Variants in SYNPO2 observed in about 807,000 individuals in gnomAD.
SYNPO2 encodes synaptopodin-2.
Under a neutral mutation model 85.0 loss-of-function variants are expected in SYNPO2, and 56 were observed. That is an observed-to-expected ratio of 0.66 (90% CI 0.53 to 0.82). SYNPO2 has a LOEUF of 0.82. SYNPO2 is among the 40% of genes least tolerant of loss of function. The pLI is 0.00. For synonymous variants in SYNPO2, 602 were observed against 591.1 expected, an observed-to-expected ratio of 1.02 and a Z score of -0.27; for missense variants, 1,575 against 1,534.2, an observed-to-expected ratio of 1.03 and a Z score of -0.44.
At chr4:118,888,633 T>C (rs146109581), upstream of SYNPO2, among the ~76,000 whole-genome samples, 2 of 152,360 alleles carry the variant, frequency 1.3e-5, no homozygotes, top group African/African-American at 4.8e-5. Flanking sequence ...ATCATACTTA[T>C]ACCATTAACT....
rs370745197 is a variant in SYNPO2 at position 118,876,665 on chromosome 4, TTC to T, written c.12+25729_12+25730del. ...TTCCTTTCTTCCTTCCTTCCTTCCTTTCTCTTTCTTTCTTTCTTTCTTTCTTT... is the reference window on the plus strand; with the variant it reads ...TTCCTTTCTTCCTTCCTTCCTTCCTTTCTTTCTTTCTTTCTTTCTTTCTTT... On this transcript the variant is annotated intron_variant, in intron 1 of 4. Transcript: ENST00000610556. Among the ~76,000 whole-genome samples the T allele has an allele frequency of 2.3e-3, 311 of 135,340 alleles. 3 individuals carry two copies. Among genetic ancestry groups the T allele is most frequent in the Non-Finnish European group, 3.3e-3 (198 of 60,226 alleles). The allele number at this position is 135,340 out of a possible 152,430, so 88.8% of individuals were successfully genotyped here. A position where few individuals can be genotyped will look rare whatever the true frequency, so the allele number is the denominator to read the frequency against.
chr4:119,041,154 G>A lies in SYNPO2; in HGVS notation c.3252+9127G>A, dbSNP rs560050962. On this transcript the variant is annotated intron_variant, in intron 4 of 4. Coordinates refer to ENST00000307142, the MANE Select transcript of SYNPO2 (RefSeq NM_133477.3). ...AGCAGAAGTCAAGACTCATCTTGAA[G>A]ATAAAAAATCAAAACAAGCTGAGAT... Among the ~76,000 whole-genome samples the A allele has an allele frequency of 5.9e-5, 9 of 152,298 alleles. No individual in the cohort carries two copies. In the East Asian group the frequency reaches 1.7e-3, roughly 29 times the overall value.
chr4:119,026,141 TC>T (rs2149187063), intron 2 of SYNPO2, among the ~76,000 whole-genome samples: 2 of 152,326 alleles, frequency 1.3e-5, no homozygotes, highest in East Asian at 3.9e-4. Context: ...TCTATTTCAT[TC>T]CTTTCAAGAA....
intron 1 of SYNPO2, among the ~76,000 whole-genome samples, chr4:119,022,525 T>G (rs1379877023): frequency 7.0e-6 from 1 of 143,774 alleles, no homozygotes; most frequent in African/African-American, 2.6e-5. Flanking sequence ...TTTTTTTTTT[T>G]TTTTTTTTTT....
In SYNPO2 at chr4:118,888,929, C is replaced by T. The variant is rs1374072662; in HGVS notation, c.-108C>T. Reference sequence around the variant, plus strand: ...GCAGCGGCGGACGCTCTGCATTACCCAGTCTTGCGTCCTCGGCAGGCGCCC... The same window carrying T: ...GCAGCGGCGGACGCTCTGCATTACCTAGTCTTGCGTCCTCGGCAGGCGCCC... On this transcript the variant is annotated 5_prime_UTR_variant, in exon 1 of 5. Transcript: ENST00000307142. 12 of 1,108,536 alleles carry T rather than the reference C, an allele frequency of 1.1e-5. No homozygotes were observed. The highest frequency in any genetic ancestry group is 7.6e-5 in the Admixed American group (4 of 52,502). The allele number at this position is 1,108,536 out of a possible 1,614,324, so 68.7% of individuals were successfully genotyped here. A position where few individuals can be genotyped will look rare whatever the true frequency, so the allele number is the denominator to read the frequency against.
At chr4:118,927,750 G>GATAT (rs1560874314) in intron 1 of SYNPO2, among the ~76,000 whole-genome samples, 4 of 115,392 alleles carry the variant, frequency 3.5e-5, no homozygotes, top group Non-Finnish European at 7.3e-5. Flanking sequence ...ATAGATAGAT[G>GATAT]ATAGATAGAT....
chr4:118,890,697 TTCTCTC>T (rs796242049), intron 1 of SYNPO2, among the ~76,000 whole-genome samples: 48 of 81,846 alleles, frequency 5.9e-4, no homozygotes, highest in South Asian at 3.1e-3. Flanking sequence ...TCTCATCGGT[TTCTCTC>T]TCTCTCTCTC....
chr4:118,900,663 T>TTCTCTCTCTCTCTCTC (rs376467151), intron 1 of SYNPO2, among the ~76,000 whole-genome samples: 9 of 77,554 alleles, frequency 1.2e-4, no homozygotes, highest in African/African-American at 4.7e-4. Flanking sequence ...TAGAATCTCT[T>TTCTCTCTCTCTCTCTC]TCTCTCTCTC....
At chr4:119,009,444 T>C (rs895161042) in intron 1 of SYNPO2, among the ~76,000 whole-genome samples, 3 of 152,172 alleles carry the variant, frequency 2.0e-5, no homozygotes, top group African/African-American at 7.2e-5. Flanking sequence ...TATGATTATT[T>C]GAAGCTCAAT....
chr4:118,898,917 C>T (rs1228651475), intron 1 of SYNPO2, among the ~76,000 whole-genome samples: 2 of 152,170 alleles, frequency 1.3e-5, no homozygotes, highest in Non-Finnish European at 2.9e-5. Flanking sequence ...GCTTGTCCAC[C>T]CCATCTCCTG....
chr4:119,013,923 G>GAA (rs1737425234), intron 1 of SYNPO2, among the ~76,000 whole-genome samples: 1 of 152,166 alleles, frequency 6.6e-6, no homozygotes, highest in Admixed American at 6.5e-5. Flanking sequence ...TACAACTTTA[G>GAA]AAACTACTGC....
At chr4:118,875,227 A>G (rs1731881989) in intron 1 of SYNPO2, among the ~76,000 whole-genome samples, 1 of 152,176 alleles carries the variant, frequency 6.6e-6, no homozygotes, top group Non-Finnish European at 1.5e-5. Context: ...CATGGTGTAT[A>G]TGTACCACAT....
chr4:119,038,197 T>C (rs1738591578), intron 4 of SYNPO2: 1 of 985,278 alleles, frequency 1.0e-6, no homozygotes, highest in Non-Finnish European at 1.2e-6. Flanking sequence ...AATTGTGAAT[T>C]TCCCAAACTG....
chr4:118,948,183 A>G (rs559528013), intron 1 of SYNPO2, among the ~76,000 whole-genome samples: 1 of 152,336 alleles, frequency 6.6e-6, no homozygotes, highest in South Asian at 2.1e-4. Flanking sequence ...GAAAAATTTT[A>G]ATTAGTTGAT....
chr4:118,929,345 G>A (rs372057116), intron 1 of SYNPO2, among the ~76,000 whole-genome samples: 13 of 152,162 alleles, frequency 8.5e-5, no homozygotes, highest in African/African-American at 3.1e-4. Flanking sequence ...AAGTTTGCAT[G>A]AGTAACTGAG....
chr4:118,888,984 C>T lies in SYNPO2; in HGVS notation c.-53C>T. On this transcript the variant is annotated 5_prime_UTR_variant, in exon 1 of 5. Coordinates refer to ENST00000307142, the MANE Select transcript of SYNPO2 (RefSeq NM_133477.3). ...CTGAGTGCGCATCCTCTACCGCACC[C>T]AAGCTTCGTCTGTCTCGTCAAGCTC... 6.3e-7 allele frequency: 1 copy of T among 1,584,686 alleles called. No individual in the cohort carries two copies. The highest frequency in any genetic ancestry group is 8.7e-7 in the Non-Finnish European group (1 of 1,154,682).
intron 1 of SYNPO2, among the ~76,000 whole-genome samples, chr4:119,011,920 CTTT>C (rs548974684): frequency 1.0e-3 from 112 of 109,604 alleles, no homozygotes; most frequent in African/African-American, 2.1e-3. Context: ...TTTCTATAGA[CTTT>C]TTTTTTTTTT....
At chr4:118,969,438 A>G (rs1735447923) in intron 1 of SYNPO2, among the ~76,000 whole-genome samples, 1 of 152,228 alleles carries the variant, frequency 6.6e-6, no homozygotes, top group Non-Finnish European at 1.5e-5. Context: ...CGATGGTAAT[A>G]CTGGGTTTAT....
chr4:118,884,181 T>C (rs1195262793), upstream of SYNPO2, among the ~76,000 whole-genome samples: 1 of 152,194 alleles, frequency 6.6e-6, no homozygotes, highest in Non-Finnish European at 1.5e-5. Flanking sequence ...GGTTGCTTGC[T>C]ATAAACATAA....
Sources: allele counts gnomAD v4.1 joint callset (sites outside exome capture counted in the v4.1 genomes callset), GRCh38; gene constraint gnomAD v4.1.1; transcripts MANE v1.5; gene names NCBI Gene and HGNC (gene_info 2026-07-23, HGNC 2026-07-21).